Variants in PPP4R4 observed in about 807,000 individuals in gnomAD.
PPP4R4 encodes the protein protein phosphatase 4 regulatory subunit 4, also known as serine/threonine-protein phosphatase 4 regulatory subunit 4.
In PPP4R4, 70 loss-of-function variants were observed where a neutral mutation model predicts 121.8. The ratio of observed to expected loss-of-function variants is 0.57; its 90% CI spans 0.47 to 0.70. PPP4R4 has a LOEUF of 0.70. Among genes scored for constraint, PPP4R4 ranks in the 30% least tolerant of loss-of-function variants. PPP4R4 has a pLI of 0.00. For synonymous variants in PPP4R4, 348 were observed against 355.7 expected (o/e 0.98, Z 0.24); for missense variants, 875 against 1,033.6 (o/e 0.85, Z 2.10).
intron 20 of PPP4R4, among the ~76,000 whole-genome samples, 156 bp from the exon 21 acceptor site, chr14:94,265,231 A>T (rs953835142): frequency 5.9e-5 from 9 of 152,230 alleles, no homozygotes; most frequent in African/African-American, 1.9e-4. Flanking sequence ...AATAACAAAG[A>T]TTGAAATATG....
chr14:94,250,700 T>TTTATAATGA, intron 15 of PPP4R4, among the ~76,000 whole-genome samples: 2 of 152,116 alleles, frequency 1.3e-5, no homozygotes, highest in South Asian at 4.1e-4. Flanking sequence ...ATGAGCCTAG[T>TTTATAATGA]TGGTTTATAA....
intron 2 of PPP4R4, among the ~76,000 whole-genome samples, chr14:94,206,416 CA>C (rs1242289774): frequency 6.6e-6 from 1 of 151,850 alleles, no homozygotes; most frequent in Non-Finnish European, 1.5e-5. Flanking sequence ...TCCACTCTGC[CA>C]ATTCCGGTCT....
intron 9 of PPP4R4, among the ~76,000 whole-genome samples, 168 bp from the exon 10 acceptor site, chr14:94,241,620 G>T (rs1892640452): frequency 6.6e-6 from 1 of 151,926 alleles, no homozygotes; most frequent in African/African-American, 2.4e-5. Context: ...AATGTGATCT[G>T]TTAGATTCCT....
At chr14:94,242,973 G>A (rs943648161) in intron 11 of PPP4R4, among the ~76,000 whole-genome samples, 12 of 152,254 alleles carry the variant, frequency 7.9e-5, no homozygotes, top group South Asian at 2.1e-4. Context: ...CACGTATGCC[G>A]TGGTTGCAAT....
Position 94,265,810 on chromosome 14 carries a change from A to G in PPP4R4, c.2301A>G (p.Lys767=), listed in dbSNP as rs1222818303. ...TTGCTCTAGGTAAAGAAATCAAGAA[A>G]TCCAAACTGATTCGAAGCCAGTCTT... ...VTPSTSKEIK[K]SKLIRSQSFN... Residue 767 remains lysine, a synonymous_variant, in exon 22 of 25, where the codon AAA becomes AAG. Transcript: ENST00000304338. 1 of 1,604,286 alleles carries G rather than the reference A, an allele frequency of 6.2e-7. No homozygotes were observed. The highest frequency in any genetic ancestry group is 1.3e-5 in the African/African-American group (1 of 74,428).
intron 3 of PPP4R4, among the ~76,000 whole-genome samples, chr14:94,228,801 C>A (rs1251651264): frequency 6.6e-6 from 1 of 152,032 alleles, no homozygotes; most frequent in Non-Finnish European, 1.5e-5. Flanking sequence ...AAGCTTGTGT[C>A]CAGTTTTGAA....
chr14:94,186,833 A>G (rs372696543), intron 2 of PPP4R4, among the ~76,000 whole-genome samples: 37 of 152,206 alleles, frequency 2.4e-4, no homozygotes, highest in African/African-American at 8.4e-4. Flanking sequence ...GATTTGTTCT[A>G]TTGATTACAG....
intron 3 of PPP4R4, chr14:94,227,771 G>T: frequency 1.0e-6 from 1 of 991,734 alleles, no homozygotes; most frequent in Non-Finnish European, 1.2e-6. Context: ...AATGTACGTT[G>T]TGGCCCTCAC....
intron 11 of PPP4R4, among the ~76,000 whole-genome samples, chr14:94,242,834 G>A (rs192167793): frequency 2.6e-5 from 4 of 152,200 alleles, no homozygotes; most frequent in East Asian, 1.9e-4. Context: ...CGTGAGCATG[G>A]CTTTTAGATT....
intron 4 of PPP4R4, 147 bp from the exon 5 acceptor site, chr14:94,231,095 C>A: frequency 1.5e-6 from 1 of 645,656 alleles, no homozygotes; most frequent in Non-Finnish European, 2.5e-6. Flanking sequence ...TTGACTGAGA[C>A]AAAATAATAG....
chr14:94,258,777 T>G lies in PPP4R4; in HGVS notation c.2011-6T>G, dbSNP rs756707442. The G allele has an allele frequency of 3.2e-6, 5 of 1,559,950 alleles. 1 individual carries two copies. In the South Asian group the frequency reaches 5.6e-5, roughly 17 times the overall value. On this transcript the variant is annotated splice_polypyrimidine_tract_variant and splice_region_variant and intron_variant, in intron 17 of 24. Transcript: ENST00000304338. ...TTTAGAATAATTTTAAAAACTTTCC[T>G]TATAGACTGTATTAGAGTTGGACAG... is the stretch of plus-strand genomic sequence containing the variant.
chr14:94,256,587 C>G lies in PPP4R4; in HGVS notation c.1993C>G (p.Leu665Val). 8 of 1,606,114 alleles carry G rather than the reference C, an allele frequency of 5.0e-6. No individual in the cohort carries two copies. Among genetic ancestry groups the G allele is most frequent in the Non-Finnish European group, 6.8e-6 (8 of 1,174,920 alleles). The change falls in exon 17 of 25, where the codon CTG becomes GTG. Residue 665 changes from leucine to valine, a missense_variant. Physicochemically the swap from Leu to Val is conservative, Grantham distance 32. Coordinates refer to ENST00000304338, the MANE Select transcript of PPP4R4 (RefSeq NM_058237.2). The part of the protein sequence containing the change: ...LLCQEKDKDV[L>V]AIVKRTVLEL... Reference sequence around the variant, plus strand: ...GTGTCAAGAAAAAGATAAAGATGTTCTGGCTATTGTAAAAAGAGTAAGTAT... The same window carrying G: ...GTGTCAAGAAAAAGATAAAGATGTTGTGGCTATTGTAAAAAGAGTAAGTAT...
intron 3 of PPP4R4, among the ~76,000 whole-genome samples, chr14:94,223,103 C>T (rs1471478407): frequency 6.6e-6 from 1 of 152,078 alleles, no homozygotes; most frequent in Non-Finnish European, 1.5e-5. Context: ...AGAGAATTCT[C>T]TGTTGAAATC....
intron 3 of PPP4R4, chr14:94,227,350 T>C (rs1566672327): frequency 5.0e-6 from 8 of 1,611,860 alleles, no homozygotes; most frequent in Non-Finnish European, 6.8e-6. Context: ...GTCCAGAGGG[T>C]GTGACTCTGT....
At chr14:94,200,353 G>T (rs894899480) in intron 2 of PPP4R4, among the ~76,000 whole-genome samples, 1 of 152,056 alleles carries the variant, frequency 6.6e-6, no homozygotes, top group African/African-American at 2.4e-5. Flanking sequence ...TATTGCACTG[G>T]CTCAGAGCTC....
intron 8 of PPP4R4, among the ~76,000 whole-genome samples, chr14:94,239,745 A>G (rs1892529460): frequency 6.6e-6 from 1 of 152,200 alleles, no homozygotes; most frequent in African/African-American, 2.4e-5. Flanking sequence ...AAAAAAGTTT[A>G]TAGATCCCTG....
At chr14:94,266,813 A>T in intron 22 of PPP4R4, 146 bp from the exon 23 acceptor site, 1 of 597,580 alleles carries the variant, frequency 1.7e-6, no homozygotes, top group Non-Finnish European at 2.9e-6. Context: ...AGGCATGAAT[A>T]TAAAAAAAAT....
At chr14:94,271,695 C>CA (rs1894340377) in intron 23 of PPP4R4, among the ~76,000 whole-genome samples, 1 of 152,098 alleles carries the variant, frequency 6.6e-6, no homozygotes, top group African/African-American at 2.4e-5. Flanking sequence ...AGGAAGAACT[C>CA]AAATTGTCTT....
At chr14:94,262,936 T>G (rs1422487968) in intron 19 of PPP4R4, among the ~76,000 whole-genome samples, 1 of 152,100 alleles carries the variant, frequency 6.6e-6, no homozygotes, top group Non-Finnish European at 1.5e-5. Flanking sequence ...AATAATGTGT[T>G]TCTGTCTGTC....
Sources: allele counts gnomAD v4.1 joint callset (sites outside exome capture counted in the v4.1 genomes callset), GRCh38; gene constraint gnomAD v4.1.1; transcripts MANE v1.5; gene names NCBI Gene and HGNC (gene_info 2026-07-23, HGNC 2026-07-21).